Variants in TTLL3 observed in about 807,000 individuals in gnomAD.
TTLL3 encodes the protein tubulin tyrosine ligase like 3, also known as tubulin monoglycylase TTLL3.
Under a neutral mutation model 75.2 loss-of-function variants are expected in TTLL3, and 63 were observed. The observed-to-expected ratio is 0.84, with a 90% CI of 0.68 to 1.03. The LOEUF (loss-of-function observed/expected upper bound fraction) is 1.03. Ranked by LOEUF, TTLL3 falls within the 50% of genes least tolerant of loss-of-function variation. TTLL3 has a pLI of 0.00. For synonymous variants in TTLL3, 393 were observed against 418.5 expected, an observed-to-expected ratio of 0.94 and a Z score of 0.74; for missense variants, 997 against 1,069.9, an observed-to-expected ratio of 0.93 and a Z score of 0.95.
chr3:9,823,432 G>A (rs574905763), intron 8 of TTLL3, among the ~76,000 whole-genome samples: 1 of 147,620 alleles, frequency 6.8e-6, no homozygotes, highest in South Asian at 2.1e-4. Flanking sequence ...TTAAATCCTG[G>A]ATTTTAAGAA....
rs2079688601 is a variant in TTLL3 at position 9,814,899 on chromosome 3, G to C, written c.316-1175G>C. Among the ~76,000 whole-genome samples, 4 of 152,110 alleles carry C rather than the reference G, an allele frequency of 2.6e-5. 1 individual carries two copies. The South Asian group carries it at 8.3e-4, about 32-fold the overall frequency. Reference sequence around the variant, plus strand: ...ATGCACGTTGAGGTGAGGGCCCTTGGGTTTCCATCTTGGTAGTGCCACTTA... The same window carrying C: ...ATGCACGTTGAGGTGAGGGCCCTTGCGTTTCCATCTTGGTAGTGCCACTTA... On this transcript the variant is annotated intron_variant, in intron 4 of 13. Coordinates refer to ENST00000685419, the MANE Select transcript of TTLL3 (RefSeq NM_001387446.1).
At position 9,828,946 on chromosome 3, in the gene TTLL3, G is replaced by T; in HGVS notation, c.1248-14G>T. The T allele has an allele frequency of 6.2e-7, 1 of 1,613,322 alleles. No homozygotes were observed. The highest frequency in any genetic ancestry group is 2.2e-5 in the East Asian group (1 of 44,858). On this transcript the variant is annotated splice_polypyrimidine_tract_variant and intron_variant, in intron 10 of 13. Coordinates refer to ENST00000685419, the MANE Select transcript of TTLL3 (RefSeq NM_001387446.1). ...ACAAGGGCCTGGACCTCAGTTTTCT[G>T]TTCTCTGCCCCAGCTCAGTGCACCT...
intron 7 of TTLL3, chr3:9,819,585 G>A: frequency 1.0e-6 from 1 of 985,772 alleles, no homozygotes; most frequent in Non-Finnish European, 1.2e-6. Flanking sequence ...ATAAGGAACA[G>A]CTTGGAGTGG....
chr3:9,813,186 A>G, intron 3 of TTLL3, 62 bp from the exon 4 acceptor site: 1 of 1,612,124 alleles, frequency 6.2e-7, no homozygotes, highest in South Asian at 1.1e-5. Flanking sequence ...CCCAGAGTTG[A>G]GGCCTTATGG....
chr3:9,817,461 C>G, intron 5 of TTLL3, 184 bp from the exon 6 acceptor site: 1 of 985,044 alleles, frequency 1.0e-6, no homozygotes. Context: ...ACAGGAGGGA[C>G]ATCAGGCATT....
chr3:9,835,587 CA>C lies in TTLL3; in HGVS notation c.*99del, dbSNP rs1357047465. 1 of 1,239,796 alleles carries C rather than the reference CA, an allele frequency of 8.1e-7. No homozygotes were observed. The highest frequency in any genetic ancestry group is 2.4e-5 in the East Asian group (1 of 42,254). 76.8% of individuals were successfully genotyped at this position (1,239,796 alleles called of 1,614,324 possible). On this transcript the variant is annotated 3_prime_UTR_variant, in exon 14 of 14. Coordinates refer to ENST00000685419, the MANE Select transcript of TTLL3 (RefSeq NM_001387446.1). ...AGGGACTCCCCCAGCATCTCCGATCCAGGGGTGGGGAGCGTGAGCCTTCACT... is the reference window on the plus strand; with the variant it reads ...AGGGACTCCCCCAGCATCTCCGATCCGGGGTGGGGAGCGTGAGCCTTCACT...
chr3:9,829,362 T>G lies in TTLL3; in HGVS notation c.1650T>G (p.Cys550Trp). Residue 550 changes from cysteine (C) to tryptophan (W), a missense_variant, in exon 11 of 14, where the codon TGT becomes TGG. Coordinates refer to ENST00000685419, the MANE Select transcript of TTLL3 (RefSeq NM_001387446.1). ...TTGACCGGATGCTGGACCGCAACTG[T>G]GACACAGGAGCCTTTGAGCTCATCT... ...VVIDRMLDRN[C>W]DTGAFELIYK... The G allele has an allele frequency of 6.2e-7, 1 of 1,607,332 alleles. No individual in the cohort carries two copies. Among genetic ancestry groups the G allele is most frequent in the Non-Finnish European group, 8.5e-7 (1 of 1,175,808 alleles).
In TTLL3 at chr3:9,829,082, T is replaced by C. The variant is rs1559745951; in HGVS notation, c.1370T>C (p.Met457Thr). The change falls in exon 11 of 14, where the codon ATG becomes ACG. Residue 457 changes from methionine (M) to threonine (T), a missense_variant. By Grantham distance (81) the Met-to-Thr change is moderately conservative. Coordinates refer to ENST00000685419, the MANE Select transcript of TTLL3 (RefSeq NM_001387446.1). ...SQRFQAHLQE[M>T]GAPNAWSTII... ...AGGTTCCAGGCCCACCTGCAGGAGA[T>C]GGGTGCCCCAAATGCTTGGTCCACC... is the stretch of plus-strand genomic sequence containing the variant. The C allele has an allele frequency of 3.7e-6, 6 of 1,614,258 alleles. No individual in the cohort carries two copies. Among genetic ancestry groups the C allele is most frequent in the East Asian group, 2.2e-5 (1 of 44,892 alleles).
At chr3:9,811,788 G>T (rs4686374) in intron 2 of TTLL3, among the ~76,000 whole-genome samples, 37,208 of 152,180 alleles carry the variant, frequency 0.24, 4,914 homozygotes, top group East Asian at 0.56. Flanking sequence ...TCTCCCTTCA[G>T]TTCCTTCTGA....
At position 9,820,703 on chromosome 3, in the gene TTLL3, C is replaced by T. The variant is rs1417555961; in HGVS notation, c.816C>T (p.Gly272=). ...CCCCGCTGTACCTCACCCCCGAGGG[C>T]TGGTCCCTCTTCCTCCAGCGCTACT... ...LEAPLYLTPE[G]WSLFLQRYYQ... is the part of the protein sequence containing the mutation. Residue 272 remains glycine, a synonymous_variant, in exon 8 of 14, where the codon GGC becomes GGT. Transcript: ENST00000685419. 1.9e-6 allele frequency: 3 copies of T among 1,614,196 alleles called. No homozygotes were observed. The highest frequency in any genetic ancestry group is 2.5e-6 in the Non-Finnish European group (3 of 1,180,034).
At chr3:9,821,508 G>T (rs946362600) in intron 8 of TTLL3, among the ~76,000 whole-genome samples, 1 of 152,174 alleles carries the variant, frequency 6.6e-6, no homozygotes, top group Non-Finnish European at 1.5e-5. Flanking sequence ...TCTCAGCTGG[G>T]GTGGTGGTAA....
intron 9 of TTLL3, among the ~76,000 whole-genome samples, 195 bp from the exon 10 acceptor site, chr3:9,826,784 CCTGTTTAATCAAACAAAA>C (rs1290537196): frequency 6.6e-6 from 1 of 150,486 alleles, no homozygotes; most frequent in Non-Finnish European, 1.5e-5. Context: ...TGTATGTATT[CCTGTTTAATCAAACAAAA>C]CTGGTTAATT....
At position 9,835,445 on chromosome 3, in the gene TTLL3, G is replaced by A. The variant is rs188770755; in HGVS notation, c.2404G>A (p.Asp802Asn). ...CATTGCTGTTGGAGGGTCAAGAGTG[G>A]ATGGGGCGAGGCCGTGTACCCCAGG... is the stretch of plus-strand genomic sequence containing the variant. The part of the protein sequence containing the change: ...DSIAVGGSRV[D>N]GARPCTPGST... Residue 802 changes from aspartate to asparagine, a missense_variant, in exon 14 of 14, where the codon GAT becomes AAT. Transcript: ENST00000685419. 1 of 1,611,570 alleles carries A rather than the reference G, an allele frequency of 6.2e-7. No individual in the cohort carries two copies. The highest frequency in any genetic ancestry group is 1.3e-5 in the African/African-American group (1 of 74,956).
At position 9,812,948 on chromosome 3, in the gene TTLL3, G is replaced by A. The variant is rs2079489753; in HGVS notation, c.54G>A (p.Lys18=). Reference sequence around the variant, plus strand: ...ATCCTTCTCTCACATTGCAGCAGAAGAAGATCTTTACAATCCAAGGCTGCT... The same window carrying A: ...ATCCTTCTCTCACATTGCAGCAGAAAAAGATCTTTACAATCCAAGGCTGCT... The part of the protein sequence containing the change: ...KIYVERAVKQ[K]KIFTIQGCYP... The change falls in exon 3 of 14, where the codon AAG becomes AAA. Residue 18 remains lysine (K), a synonymous_variant. Coordinates refer to ENST00000685419, the MANE Select transcript of TTLL3 (RefSeq NM_001387446.1). 1 of 1,500,620 alleles carries A rather than the reference G, an allele frequency of 6.7e-7. No individual in the cohort carries two copies. The highest frequency in any genetic ancestry group is 8.9e-7 in the Non-Finnish European group (1 of 1,122,480). 93.0% of individuals were successfully genotyped at this position (1,500,620 alleles called of 1,614,324 possible).
At chr3:9,819,089 A>G (rs2080171447) in intron 7 of TTLL3, 169 bp downstream of exon 7, 5 of 827,250 alleles carry the variant, frequency 6.0e-6, no homozygotes, top group African/African-American at 1.7e-5. Context: ...CCAGCCATCC[A>G]TCCACTCATC....
At chr3:9,826,444 C>G (rs1174836784) in intron 9 of TTLL3, among the ~76,000 whole-genome samples, 1 of 152,044 alleles carries the variant, frequency 6.6e-6, no homozygotes, top group East Asian at 1.9e-4. Flanking sequence ...AAAAAGCCCC[C>G]AACACTGGCC....
chr3:9,817,613 C>T, intron 5 of TTLL3, 32 bp from the exon 6 acceptor site: 1 of 1,613,496 alleles, frequency 6.2e-7, no homozygotes, highest in Non-Finnish European at 8.5e-7. Context: ...GTGGGCAGTC[C>T]TGCCCTGCCC....
intron 11 of TTLL3, among the ~76,000 whole-genome samples, chr3:9,830,825 C>T (rs1329744408): frequency 4.0e-5 from 6 of 151,508 alleles, no homozygotes; most frequent in Admixed American, 2.0e-4. Context: ...TTTTTTGAGA[C>T]GGGGTCTTGC....
chr3:9,820,189 T>G (rs1207455071), intron 7 of TTLL3: 4 of 1,039,628 alleles, frequency 3.8e-6, no homozygotes, highest in Non-Finnish European at 4.6e-6. Context: ...GGGGCGTTCA[T>G]GTATAACTGG....
Sources: gnomAD v4.1 joint callset for allele counts (sites outside exome capture counted in the v4.1 genomes callset) on GRCh38, gnomAD v4.1.1 for gene constraint, MANE v1.5 for transcripts, NCBI Gene and HGNC (gene_info 2026-07-23, HGNC 2026-07-21) for gene names.